Variants in SETD1B observed in about 807,000 individuals in gnomAD.
SETD1B encodes SET domain containing 1B, histone lysine methyltransferase.
A neutral mutation model predicts 148.0 loss-of-function variants in SETD1B; 7 were observed. The observed-to-expected ratio is 0.05, with a 90% CI of 0.03 to 0.09. The LOEUF is 0.09. SETD1B is among the 10% of genes least tolerant of loss of function. The pLI, the probability that SETD1B is intolerant of heterozygous loss-of-function variation, is 1.00. For synonymous variants in SETD1B, 1,361 were observed against 1,186.5 expected (o/e 1.15, Z -3.02); for missense variants, 2,155 against 2,729.9 (o/e 0.79, Z 4.69).
At chr12:121,800,608 CCCGCGTGGG>C (rs1434351876), upstream of SETD1B, 3 of 151,092 alleles carry the variant, frequency 2.0e-5, no homozygotes, top group African/African-American at 7.3e-5. Flanking sequence ...CCTCCTGGTG[CCCGCGTGGG>C]CCGCCGGGTC....
chr12:121,830,270 C>T lies in SETD1B; in HGVS notation c.*31C>T, dbSNP rs757485723. The T allele has an allele frequency of 7.1e-6, 11 of 1,541,742 alleles. No homozygotes were observed. The highest frequency in any genetic ancestry group is 2.4e-5 in the East Asian group (1 of 40,840). On this transcript the variant is annotated 3_prime_UTR_variant, in exon 17 of 17. Transcript: ENST00000604567. The surrounding 1 kb of genome is among the most constrained non-coding windows in gnomAD (Gnocchi z 5.7). ...GGCACCAGACTCAAAGGATGTCAGC[C>T]GTAGCCCTGGGACTCCCGAGCGTGG...
Position 121,814,287 on chromosome 12 carries a change from C to A in SETD1B, c.2072C>A (p.Pro691His), listed in dbSNP as rs1287284022. Residue 691 changes from proline (P) to histidine (H), a missense_variant, in exon 7 of 17, where the codon CCC becomes CAC. This residue lies in a region of SETD1B where 295 missense variants were observed against 303.8 expected (regional missense o/e 0.97). Transcript: ENST00000604567. ...CCGCCACCTGGCTTCCCCCCGCTGCCCCCCCCACCACCACCACCCCCACCG... is the reference window on the plus strand; with the variant it reads ...CCGCCACCTGGCTTCCCCCCGCTGCACCCCCCACCACCACCACCCCCACCG... ...LPPPPGFPPLPPPPPPPPPQP... is the reference protein window; with the variant it reads ...LPPPPGFPPLHPPPPPPPPQP... The A allele has an allele frequency of 2.0e-5, 17 of 849,300 alleles. No homozygotes were observed. Among genetic ancestry groups the A allele is most frequent in the Non-Finnish European group, 2.5e-5 (15 of 611,400 alleles). 52.6% of individuals were successfully genotyped at this position (849,300 alleles called of 1,614,324 possible). A position where few individuals can be genotyped will look rare whatever the true frequency, so the allele number is the denominator to read the frequency against.
At chr12:121,823,792 G>T (rs1876704970) in intron 12 of SETD1B, 43 bp downstream of exon 12, 6 of 1,502,046 alleles carry the variant, frequency 4.0e-6, no homozygotes, top group Non-Finnish European at 5.3e-6. Context: ...CTGGGATGCA[G>T]GAAGTCCCTG....
Position 121,804,613 on chromosome 12 carries a change from C to T in SETD1B, c.-14-111C>T. The T allele has an allele frequency of 1.1e-6, 1 of 888,002 alleles. No homozygotes were observed. Among genetic ancestry groups the T allele is most frequent in the African/African-American group, 1.8e-5 (1 of 57,124 alleles). The allele number at this position is 888,002 out of a possible 1,614,324, so 55.0% of individuals were successfully genotyped here. ...GCGAGACAGCTCCTTTCGGGGCGCGCTGGCAAGGTGGGAGGGGGTGGGGGC... is the reference window on the plus strand; with the variant it reads ...GCGAGACAGCTCCTTTCGGGGCGCGTTGGCAAGGTGGGAGGGGGTGGGGGC... On this transcript the variant is annotated intron_variant, in intron 1 of 16. Coordinates refer to ENST00000604567, the MANE Select transcript of SETD1B (RefSeq NM_001353345.2). The surrounding 1 kb of genome is among the most constrained non-coding windows in gnomAD (Gnocchi z 4.6).
At chr12:121,791,864 G>C in the SETD1B span, among the ~76,000 whole-genome samples, 1 of 152,206 alleles carries the variant, frequency 6.6e-6, no homozygotes, top group Admixed American at 6.5e-5. Flanking sequence ...TCAAAAAGTG[G>C]GTCAATGACC....
rs1592973490 is a variant in SETD1B, at chr12:121,805,685, A to C, written c.274-150A>C. The C allele has an allele frequency of 2.0e-5, 14 of 702,762 alleles. No individual in the cohort carries two copies. In the South Asian group the frequency reaches 4.3e-4, roughly 22 times the overall value. The allele number at this position is 702,762 out of a possible 1,614,324, so 43.5% of individuals were successfully genotyped here. A position where few individuals can be genotyped will look rare whatever the true frequency, so the allele number is the denominator to read the frequency against. On this transcript the variant is annotated intron_variant, in intron 3 of 16. Transcript: ENST00000604567. This position sits in a 1 kb window ranked among gnomAD's most constrained non-coding sequence, Gnocchi z 4.2. ...CCCGCGTGCATTTTTTTTTTCCAAA[A>C]AAAATTTTTTTTTTTTTTTTAATTT...
At chr12:121,813,656 C>G (rs1427268524) in intron 6 of SETD1B, among the ~76,000 whole-genome samples, 1 of 152,220 alleles carries the variant, frequency 6.6e-6, no homozygotes, top group Non-Finnish European at 1.5e-5. Context: ...ACTATTTCTG[C>G]ACACAAGTTG....
At chr12:121,806,583 T>A (rs1193417582) in intron 4 of SETD1B, among the ~76,000 whole-genome samples, 1 of 152,022 alleles carries the variant, frequency 6.6e-6, no homozygotes. Flanking sequence ...TTGCTGCCCC[T>A]TCCCCTCTGG....
At chr12:121,797,761 A>G in the SETD1B span, 183 of 365,192 alleles carry the variant, frequency 5.0e-4, no homozygotes, top group East Asian at 0.01. Flanking sequence ...GGCAGAGGGT[A>G]ACGTGAGAGC....
In SETD1B at chr12:121,825,212, C is replaced by T; in HGVS notation, c.5183C>T (p.Ser1728Phe). ...LWVYHPSTSL[S>F]SAKKKKRDDG... is the part of the protein sequence containing the mutation. Reference sequence around the variant, plus strand: ...GACCCACACCCACCCACCAGCCTCTCTTCAGCTAAGAAGAAGAAACGGGAC... The same window carrying T: ...GACCCACACCCACCCACCAGCCTCTTTTCAGCTAAGAAGAAGAAACGGGAC... The change falls in exon 13 of 17, where the codon TCT becomes TTT. Residue 1728 changes from serine (S) to phenylalanine (F), a missense_variant. Physicochemically the swap from Ser to Phe is radical, Grantham distance 155. Around this residue, in one of 11 missense-constraint regions of SETD1B, gnomAD observed 96 missense variants for 148.7 expected, o/e 0.65. Coordinates refer to ENST00000604567, the MANE Select transcript of SETD1B (RefSeq NM_001353345.2). 6.4e-7 allele frequency: 1 copy of T among 1,551,594 alleles called. No homozygotes were observed.
chr12:121,827,767 C>T lies in SETD1B; in HGVS notation c.5502C>T (p.Ser1834=), dbSNP rs1366378969. ...AGAAAAAGCTCAAGTTCTGCAAGAG[C>T]CACATTCACGACTGGGGCTTGTTCG... is the stretch of plus-strand genomic sequence containing the variant. ...FRKKKLKFCK[S]HIHDWGLFAM... The change falls in exon 15 of 17, where the codon AGC becomes AGT. Residue 1834 remains serine (S), a synonymous_variant. Transcript: ENST00000604567. 3 of 1,552,698 alleles carry T rather than the reference C, an allele frequency of 1.9e-6. No homozygotes were observed. The highest frequency in any genetic ancestry group is 4.9e-5 in the East Asian group (2 of 41,026).
intron 6 of SETD1B, among the ~76,000 whole-genome samples, chr12:121,812,497 TC>T (rs1876082829): frequency 6.6e-6 from 1 of 151,910 alleles, no homozygotes; most frequent in East Asian, 1.9e-4. Flanking sequence ...CCTGCTGGAC[TC>T]CCAGTTCTCA....
chr12:121,823,334 C>CCGGGGG lies in SETD1B; in HGVS notation c.4756_4757insGGGGGC (p.Pro1585_Leu1586insArgGly). The CCGGGGG allele has an allele frequency of 5.6e-6, 8 of 1,435,400 alleles. No homozygotes were observed. Among genetic ancestry groups the CCGGGGG allele is most frequent in the Non-Finnish European group, 6.7e-6 (7 of 1,052,192 alleles). 88.9% of individuals were successfully genotyped at this position (1,435,400 alleles called of 1,614,324 possible). ...CGGGGATCCCAGCCCCTCCACCACC[C>CCGGGGG]CTTCCCCCCCAGCCACCCCCACCCC... On this transcript the variant is annotated inframe_insertion, in exon 12 of 17. Transcript: ENST00000604567.
chr12:121,811,955 G>A (rs1221844549), intron 6 of SETD1B, among the ~76,000 whole-genome samples: 2 of 152,210 alleles, frequency 1.3e-5, no homozygotes, highest in African/African-American at 2.4e-5. Context: ...CCTGGCACCC[G>A]TCTCCTCCGC....
At chr12:121,825,759 C>T (rs1165792068) in intron 13 of SETD1B, among the ~76,000 whole-genome samples, 1 of 152,116 alleles carries the variant, frequency 6.6e-6, no homozygotes, top group African/African-American at 2.4e-5. Flanking sequence ...ATTCTCCTGC[C>T]TCAGCCTCCT....
chr12:121,820,206 T>C (rs1876502691), intron 11 of SETD1B, among the ~76,000 whole-genome samples: 1 of 152,196 alleles, frequency 6.6e-6, no homozygotes, highest in African/African-American at 2.4e-5. Context: ...GGAGGATGGG[T>C]GTCCATGGTC....
At chr12:121,791,251 G>A in the SETD1B span, among the ~76,000 whole-genome samples, 3 of 152,122 alleles carry the variant, frequency 2.0e-5, no homozygotes, top group South Asian at 2.1e-4. Context: ...TCAGCCTCCC[G>A]AGTAGCTGGG....
In SETD1B at chr12:121,804,969, C is replaced by T. The variant is rs1350984158; in HGVS notation, c.174+58C>T. ...CCGCGTCGTGTCCGGGGAGACGCGC[C>T]TAGCGGCCAGGGACCCCCCGCCCGA... On this transcript the variant is annotated intron_variant, in intron 2 of 16. Transcript: ENST00000604567. This position sits in a 1 kb window ranked among gnomAD's most constrained non-coding sequence, Gnocchi z 4.6. 4 of 1,472,054 alleles carry T rather than the reference C, an allele frequency of 2.7e-6. No homozygotes were observed. The African/African-American group carries it at 4.3e-5, about 16-fold the overall frequency. 91.2% of individuals were successfully genotyped at this position (1,472,054 alleles called of 1,614,324 possible).
Position 121,830,434 on chromosome 12 carries a change from T to A in SETD1B, c.*195T>A. On this transcript the variant is annotated 3_prime_UTR_variant, in exon 17 of 17. Coordinates refer to ENST00000604567, the MANE Select transcript of SETD1B (RefSeq NM_001353345.2). This position sits in a 1 kb window ranked among gnomAD's most constrained non-coding sequence, Gnocchi z 5.7. ...TCCGGCCCCTCCGCGGGAAAGGGCT[T>A]CTCTGTCGTTCAGCCCACGTCTCTC... 1.8e-6 allele frequency: 1 copy of A among 547,358 alleles called. No individual in the cohort carries two copies. Among genetic ancestry groups the A allele is most frequent in the Non-Finnish European group, 3.2e-6 (1 of 307,876 alleles). 33.9% of individuals were successfully genotyped at this position (547,358 alleles called of 1,614,324 possible).
Sources: allele counts gnomAD v4.1 joint callset (sites outside exome capture counted in the v4.1 genomes callset), GRCh38; gene constraint gnomAD v4.1.1; regional missense constraint gnomAD v4.1.1; non-coding constraint Gnocchi (gnomAD v3.1); transcripts MANE v1.5; gene names NCBI Gene and HGNC (gene_info 2026-07-23, HGNC 2026-07-21).